Variants in BABAM2 observed in about 807,000 individuals in gnomAD.
The protein encoded by BABAM2 is BRISC and BRCA1 A complex member 2.
BABAM2 carries 31 observed loss-of-function variants against 54.7 expected under a neutral mutation model. The ratio of observed to expected loss-of-function variants is 0.57; its 90% CI spans 0.43 to 0.77. The LOEUF is 0.77. Ranked by LOEUF, BABAM2 falls within the 30% of genes least tolerant of loss-of-function variation. The pLI is 0.00. For synonymous variants in BABAM2, 167 were observed against 162.9 expected, an observed-to-expected ratio of 1.03 and a Z score of -0.19; for missense variants, 364 against 455.8, an observed-to-expected ratio of 0.80 and a Z score of 1.83.
intron 10 of BABAM2, among the ~76,000 whole-genome samples, chr2:28,259,384 G>T (rs757880471): frequency 1.3e-5 from 2 of 151,822 alleles, no homozygotes; most frequent in South Asian, 4.2e-4. Context: ...GCACCTAGCC[G>T]GCTAGTTTAT....
intron 6 of BABAM2, among the ~76,000 whole-genome samples, chr2:28,074,006 T>C (rs893283661): frequency 1.7e-4 from 26 of 150,736 alleles, no homozygotes; most frequent in African/African-American, 6.0e-4. Flanking sequence ...TATTTACACA[T>C]ATATACACAC....
chr2:28,206,545 T>C (rs948361843), intron 7 of BABAM2, among the ~76,000 whole-genome samples: 6 of 152,158 alleles, frequency 3.9e-5, no homozygotes, highest in Non-Finnish European at 5.9e-5. Context: ...TACTGACTGA[T>C]GAGGTGGTGA....
chr2:28,260,463 G>A (rs377355601), intron 10 of BABAM2, among the ~76,000 whole-genome samples: 107 of 149,210 alleles, frequency 7.2e-4, no homozygotes, highest in Non-Finnish European at 1.2e-3. Flanking sequence ...CACCACGCCC[G>A]GCTAATTTTT....
intron 6 of BABAM2, among the ~76,000 whole-genome samples, chr2:28,085,322 G>T (rs944111962): frequency 6.6e-6 from 1 of 152,104 alleles, no homozygotes; most frequent in Non-Finnish European, 1.5e-5. Flanking sequence ...AATCTTTTAA[G>T]TCCACCAAAA....
chr2:28,276,456 C>T (rs983638367), intron 10 of BABAM2, among the ~76,000 whole-genome samples: 2 of 152,124 alleles, frequency 1.3e-5, no homozygotes, highest in Non-Finnish European at 1.5e-5. Context: ...GCCTTTGTAA[C>T]GCGCAGCCGT....
chr2:28,327,279 G>C (rs1180887776), intron 11 of BABAM2: 1 of 1,602,080 alleles, frequency 6.2e-7, no homozygotes, highest in Non-Finnish European at 8.5e-7. Context: ...ACCAGGGGAT[G>C]CCAAGGGAGC....
chr2:27,959,915 T>A (rs182814983), intron 3 of BABAM2, among the ~76,000 whole-genome samples: 199 of 152,328 alleles, frequency 1.3e-3, no homozygotes, highest in African/African-American at 4.5e-3. Context: ...GTTTTATTTT[T>A]ATTTTTTAGT....
intron 6 of BABAM2, among the ~76,000 whole-genome samples, chr2:28,110,393 G>A (rs779682651): frequency 6.6e-6 from 1 of 152,140 alleles, no homozygotes; most frequent in Non-Finnish European, 1.5e-5. Context: ...GGAGGCCAAG[G>A]TGGGCAGATT....
At chr2:28,129,918 A>G (rs570903228) in intron 7 of BABAM2, among the ~76,000 whole-genome samples, 1 of 152,360 alleles carries the variant, frequency 6.6e-6, no homozygotes, top group African/African-American at 2.4e-5. Flanking sequence ...TACATGGCAG[A>G]AGTAGTTTGA....
chr2:28,267,789 C>A (rs1260122004), intron 10 of BABAM2, among the ~76,000 whole-genome samples: 1 of 152,202 alleles, frequency 6.6e-6, no homozygotes, highest in South Asian at 2.1e-4. Context: ...TTTGGCTCCA[C>A]CTCACTGCAG....
intron 3 of BABAM2, among the ~76,000 whole-genome samples, chr2:27,979,369 G>A (rs944541843): frequency 8.6e-5 from 13 of 151,582 alleles, no homozygotes; most frequent in African/African-American, 3.2e-4. Context: ...ACTCTTGATG[G>A]GCATCTAGGA....
At chr2:28,206,822 C>G (rs547282440) in intron 7 of BABAM2, among the ~76,000 whole-genome samples, 48 of 152,198 alleles carry the variant, frequency 3.2e-4, no homozygotes, top group Non-Finnish European at 7.1e-4. Context: ...ACTCTTACAA[C>G]ATTATTTGCC....
At chr2:28,112,974 A>G (rs879426019) in intron 6 of BABAM2, among the ~76,000 whole-genome samples, 2 of 151,766 alleles carry the variant, frequency 1.3e-5, no homozygotes, top group South Asian at 2.1e-4. Flanking sequence ...AGCTTTTTTC[A>G]TGTTTGTTGG....
At chr2:28,112,567 A>G (rs765045228) in intron 6 of BABAM2, among the ~76,000 whole-genome samples, 28 of 152,054 alleles carry the variant, frequency 1.8e-4, no homozygotes, top group Non-Finnish European at 3.7e-4. Context: ...ATAGTATTCT[A>G]TGATGTATAT....
intron 7 of BABAM2, among the ~76,000 whole-genome samples, chr2:28,150,390 A>G (rs1220403624): frequency 3.3e-5 from 5 of 152,188 alleles, no homozygotes; most frequent in African/African-American, 4.8e-5. Context: ...ACATGGCAAT[A>G]CAGAGGGGAG....
rs148036552 is a variant in BABAM2 at position 27,912,869 on chromosome 2, G to C, written c.129-16963G>C. 2.8e-3 allele frequency among the ~76,000 whole-genome samples: 432 copies of C among 152,268 alleles called. 2 individuals carry two copies. The highest frequency in any genetic ancestry group is 0.01 in the African/African-American group (419 of 41,560). ...CAGATAACCTGATGATAAATTTTGG[G>C]CAGTGAACTATATTGATGTTGCTGT... On this transcript the variant is annotated intron_variant, in intron 2 of 11. Coordinates refer to ENST00000379624, the MANE Select transcript of BABAM2 (RefSeq NM_199191.3).
intron 10 of BABAM2, among the ~76,000 whole-genome samples, chr2:28,262,176 A>G (rs970298350): frequency 1.6e-4 from 25 of 152,150 alleles, no homozygotes; most frequent in Admixed American, 9.2e-4. Context: ...AGTGGTTTCC[A>G]GTCTCCTAAA....
chr2:28,299,289 T>C (rs1287002463), intron 11 of BABAM2, among the ~76,000 whole-genome samples: 2 of 152,234 alleles, frequency 1.3e-5, no homozygotes, highest in Non-Finnish European at 2.9e-5. Context: ...GTGGAAGGCC[T>C]CACTTCAGTC....
rs1250073277 is a variant in BABAM2, at chr2:28,325,922, G to T, written c.1089-12528G>T. Among the ~76,000 whole-genome samples the T allele has an allele frequency of 6.6e-6, 1 of 152,244 alleles. No homozygotes were observed. The highest frequency in any genetic ancestry group is 1.5e-5 in the Non-Finnish European group (1 of 68,046). Reference sequence around the variant, plus strand: ...CCTAGAGAGACTCAGGGGAGGGGAAGGTTAGAGGCCTCAAGGAGTTGATCT... The same window carrying T: ...CCTAGAGAGACTCAGGGGAGGGGAATGTTAGAGGCCTCAAGGAGTTGATCT... On this transcript the variant is annotated intron_variant, in intron 11 of 11. Coordinates refer to ENST00000379624, the MANE Select transcript of BABAM2 (RefSeq NM_199191.3). The surrounding 1 kb of genome is among the most constrained non-coding windows in gnomAD (Gnocchi z 4.3).
Sources: gnomAD v4.1 joint callset for allele counts (sites outside exome capture counted in the v4.1 genomes callset) on GRCh38, gnomAD v4.1.1 for gene constraint, Gnocchi (gnomAD v3.1) non-coding constraint, MANE v1.5 for transcripts, NCBI Gene and HGNC (gene_info 2026-07-23, HGNC 2026-07-21) for gene names.